The following ST3GAL1 variants were observed in gnomAD, a reference collection of about 807,000 sequenced individuals.
ST3GAL1 encodes the protein CMP-N-acetylneuraminate-beta-galactosamide-alpha-2,3-sialyltransferase 1.
In ST3GAL1, 16 loss-of-function variants were observed where a neutral mutation model predicts 34.1. That is an observed-to-expected ratio of 0.47 (90% confidence interval 0.32 to 0.71). The LOEUF is 0.71. Ranked by LOEUF, ST3GAL1 falls within the 30% of genes least tolerant of loss-of-function variation. The pLI is 0.04. For synonymous variants in ST3GAL1, 191 were observed against 184.7 expected (o/e 1.03, Z -0.28); for missense variants, 353 against 447.4 (o/e 0.79, Z 1.90).
At position 133,471,993 on chromosome 8, in the gene ST3GAL1, G is replaced by T. The variant is rs77568199; in HGVS notation, c.306+3726C>A. Among the ~76,000 whole-genome samples, 1,031 of 152,014 alleles carry T rather than the reference G, an allele frequency of 6.8e-3. 9 individuals are homozygous for T. Among genetic ancestry groups the T allele is most frequent in the African/African-American group, 0.024 (974 of 41,416 alleles). The stretch of plus-strand genomic sequence containing the variant: ...AGTAGAGAAGGCAGAGTCAGCATTC[G>T]ACATGGCTTGTCTCTGAATTGGACA... On this transcript the variant is annotated intron_variant, in intron 5 of 9. Coordinates refer to ENST00000522652, the MANE Select transcript of ST3GAL1 (RefSeq NM_173344.3).
At chr8:133,529,615 A>T (rs1818086030) in intron 2 of ST3GAL1, among the ~76,000 whole-genome samples, 1 of 152,200 alleles carries the variant, frequency 6.6e-6, no homozygotes, top group East Asian at 1.9e-4. Context: ...AGTCAGCAAC[A>T]GGAAGTCACT....
At chr8:133,544,351 CCTGT>C (rs1413906093) in intron 2 of ST3GAL1, among the ~76,000 whole-genome samples, 11 of 152,248 alleles carry the variant, frequency 7.2e-5, no homozygotes, top group Admixed American at 3.9e-4. Context: ...CTCTTCCCAA[CCTGT>C]CTATCGTATA....
intron 3 of ST3GAL1, among the ~76,000 whole-genome samples, chr8:133,493,754 G>A (rs1816855574): frequency 1.3e-5 from 2 of 151,850 alleles, no homozygotes; most frequent in Admixed American, 6.6e-5. Context: ...GCTAAGGCAG[G>A]AGAATCACTT....
At chr8:133,537,520 C>A (rs147787102) in intron 2 of ST3GAL1, among the ~76,000 whole-genome samples, 1 of 152,272 alleles carries the variant, frequency 6.6e-6, no homozygotes, top group African/African-American at 2.4e-5. Context: ...GTAACAAGGG[C>A]TACAAAAGAA....
intron 1 of ST3GAL1, among the ~76,000 whole-genome samples, chr8:133,562,436 TTGATCTCG>T (rs1034794392): frequency 1.3e-5 from 2 of 152,090 alleles, no homozygotes; most frequent in Non-Finnish European, 2.9e-5. Flanking sequence ...TCTCGATCTC[TTGATCTCG>T]TGATCTGGCC....
At chr8:133,527,460 G>C (rs902365684) in intron 2 of ST3GAL1, among the ~76,000 whole-genome samples, 1 of 152,118 alleles carries the variant, frequency 6.6e-6, no homozygotes, top group Non-Finnish European at 1.5e-5. Flanking sequence ...GAATAATGAC[G>C]GTTATGAGCA....
At chr8:133,555,614 C>T (rs1196569649) in intron 1 of ST3GAL1, among the ~76,000 whole-genome samples, 1 of 152,160 alleles carries the variant, frequency 6.6e-6, no homozygotes, top group Non-Finnish European at 1.5e-5. Flanking sequence ...GAAAAGAAAC[C>T]TTGCTTGCAC....
chr8:133,549,070 T>C (rs555539692), intron 1 of ST3GAL1, among the ~76,000 whole-genome samples: 1 of 152,346 alleles, frequency 6.6e-6, no homozygotes, highest in East Asian at 1.9e-4. Context: ...TATATGCCTA[T>C]ATCAGGATAT....
At chr8:133,472,529 G>C (rs577397978) in intron 5 of ST3GAL1, among the ~76,000 whole-genome samples, 1 of 152,250 alleles carries the variant, frequency 6.6e-6, no homozygotes, top group Non-Finnish European at 1.5e-5. Flanking sequence ...CTGCAGGGGG[G>C]CCTTTAAGCA....
At chr8:133,497,524 G>T (rs1186278283) in intron 3 of ST3GAL1, among the ~76,000 whole-genome samples, 1 of 131,562 alleles carries the variant, frequency 7.6e-6, no homozygotes, top group Non-Finnish European at 1.5e-5. Context: ...AGGCTGGAGT[G>T]CACGGGCGCA....
rs35321251 is a variant in ST3GAL1 at position 133,542,779 on chromosome 8, C to CAAA, written c.-429+2992_-429+2994dup. ...CTGGGTGAAAGTAACTCCTCCATCT[C>CAAA]AAAAAAAAAAAAAAAAAAAAAAGAT... is the stretch of plus-strand genomic sequence containing the variant. On this transcript the variant is annotated intron_variant, in intron 2 of 9. Coordinates refer to ENST00000522652, the MANE Select transcript of ST3GAL1 (RefSeq NM_173344.3). 1.0e-3 allele frequency among the ~76,000 whole-genome samples: 86 copies of CAAA among 85,180 alleles called. 1 individual carries two copies. The highest frequency in any genetic ancestry group is 1.4e-3 in the African/African-American group (30 of 21,874). The allele number at this position is 85,180 out of a possible 152,430, so 55.9% of individuals were successfully genotyped here.
At chr8:133,465,002 C>G (rs1019736427) in intron 6 of ST3GAL1, 45 bp from the exon 7 acceptor site, 3 of 1,565,180 alleles carry the variant, frequency 1.9e-6, no homozygotes, top group Non-Finnish European at 2.6e-6. Context: ...CACGGGCACC[C>G]GTTCTCAGAC....
At chr8:133,559,371 C>A (rs534575568) in intron 1 of ST3GAL1, among the ~76,000 whole-genome samples, 1 of 152,294 alleles carries the variant, frequency 6.6e-6, no homozygotes, top group South Asian at 2.1e-4. Flanking sequence ...TAGGTTGGAA[C>A]CAGTTCTTCA....
intron 2 of ST3GAL1, among the ~76,000 whole-genome samples, chr8:133,526,158 T>C (rs1201220630): frequency 6.6e-6 from 1 of 152,188 alleles, no homozygotes; most frequent in Non-Finnish European, 1.5e-5. Flanking sequence ...TTAGGAAAGT[T>C]GGGTCAGGCT....
intron 2 of ST3GAL1, among the ~76,000 whole-genome samples, chr8:133,514,807 T>G (rs1475259321): frequency 6.6e-6 from 1 of 152,036 alleles, no homozygotes; most frequent in Non-Finnish European, 1.5e-5. Context: ...CGAGATCTCC[T>G]GGGTTCCTGG....
intron 2 of ST3GAL1, among the ~76,000 whole-genome samples, chr8:133,512,039 G>C (rs1160608926): frequency 1.3e-5 from 2 of 152,170 alleles, no homozygotes; most frequent in Non-Finnish European, 2.9e-5. Flanking sequence ...GCAACAGAGC[G>C]AGACTCTGTC....
At position 133,459,937 on chromosome 8, in the gene ST3GAL1, C is replaced by T; in HGVS notation, c.850G>A (p.Val284Met). Residue 284 changes from valine (V) to methionine (M), a missense_variant and splice_region_variant, in exon 10 of 10, where the codon GTG (valine) becomes ATG (methionine). Transcript: ENST00000522652. This position sits in a 1 kb window ranked among gnomAD's most constrained non-coding sequence, Gnocchi z 4.7. ...VIFSMHVCDE[V>M]DLYGFGADSK... ...TCTGCCCCGAAGCCGTACAAGTCCACCTGTGGGAGCAAAGCAAAGATGAGA... is the reference window on the plus strand; with the variant it reads ...TCTGCCCCGAAGCCGTACAAGTCCATCTGTGGGAGCAAAGCAAAGATGAGA... 6.2e-7 allele frequency: 1 copy of T among 1,608,376 alleles called. No individual in the cohort carries two copies. The highest frequency in any genetic ancestry group is 8.5e-7 in the Non-Finnish European group (1 of 1,176,272).
rs571029535 is a variant in ST3GAL1, at chr8:133,531,570, G to A, written c.-429+14204C>T. 1.2e-3 allele frequency among the ~76,000 whole-genome samples: 175 copies of A among 152,118 alleles called. 1 individual carries two copies. Among genetic ancestry groups the A allele is most frequent in the Non-Finnish European group, 2.2e-3 (153 of 68,000 alleles). ...TGCAGTTCCTCCCTGCCACCTCCCT[G>A]ACCCCAGGCAGCCTGCTTAAAAAGC... is the stretch of plus-strand genomic sequence containing the variant. On this transcript the variant is annotated intron_variant, in intron 2 of 9. Coordinates refer to ENST00000522652, the MANE Select transcript of ST3GAL1 (RefSeq NM_173344.3).
intron 1 of ST3GAL1, among the ~76,000 whole-genome samples, chr8:133,554,642 T>C (rs1462588463): frequency 1.3e-5 from 2 of 152,298 alleles, no homozygotes; most frequent in East Asian, 3.9e-4. Flanking sequence ...CTGATTCAGA[T>C]TGGAGAAACT....
Sources: allele counts gnomAD v4.1 joint callset (sites outside exome capture counted in the v4.1 genomes callset), GRCh38; gene constraint gnomAD v4.1.1; non-coding constraint Gnocchi (gnomAD v3.1); transcripts MANE v1.5; gene names NCBI Gene and HGNC (gene_info 2026-07-23, HGNC 2026-07-21).